The following ABCB11 variants were observed in gnomAD, a reference collection of about 807,000 sequenced individuals.
The protein encoded by ABCB11 is ATP binding cassette subfamily B member 11.
ABCB11 carries 95 observed loss-of-function variants against 148.0 expected under a neutral mutation model. The ratio of observed to expected loss-of-function variants is 0.64; its 90% CI spans 0.54 to 0.76. The LOEUF (loss-of-function observed/expected upper bound fraction) is 0.76, where lower values mean the gene tolerates loss of function less well. Ranked by LOEUF, ABCB11 falls within the 30% of genes least tolerant of loss-of-function variation. The pLI is 0.00. For missense variants in ABCB11, 1,523 were observed against 1,617.8 expected (o/e 0.94, Z 1.01); for synonymous variants, 591 against 555.4 (o/e 1.06, Z -0.90).
chr2:168,930,876 G>T lies in ABCB11; in HGVS notation c.3214-14C>A, dbSNP rs1465049756. 1.3e-6 allele frequency: 2 copies of T among 1,574,758 alleles called. No individual in the cohort carries two copies. The highest frequency in any genetic ancestry group is 1.2e-5 in the South Asian group (1 of 86,310). On this transcript the variant is annotated splice_polypyrimidine_tract_variant and intron_variant, in intron 24 of 27. Transcript: ENST00000650372. ...CTGGAAGTTGTCCTGTGGATGGGAG[G>T]ATCAAAATTAGAGATGCTCTTACTG...
chr2:168,931,482 A>T (rs1691563492), intron 24 of ABCB11, among the ~76,000 whole-genome samples: 1 of 152,248 alleles, frequency 6.6e-6, no homozygotes, highest in Admixed American at 6.5e-5. Context: ...TCTGGAACAT[A>T]CTAAAATTTT....
Position 168,993,077 on chromosome 2 carries a change from C to T in ABCB11, c.783+634G>A, listed in dbSNP as rs574899795. Among the ~76,000 whole-genome samples, 22 of 151,992 alleles carry T rather than the reference C, an allele frequency of 1.4e-4. No homozygotes were observed. In the Middle Eastern group the frequency reaches 0.01, roughly 70 times the overall value. ...GTCCAGGCCTCAATTCCTGGGGAAC[C>T]GAGACAGTGACTGGGATAACTCTTG... On this transcript the variant is annotated intron_variant, in intron 8 of 27. Coordinates refer to ENST00000650372, the MANE Select transcript of ABCB11 (RefSeq NM_003742.4).
intron 5 of ABCB11, among the ~76,000 whole-genome samples, chr2:169,010,364 C>T (rs1472083204): frequency 5.3e-5 from 8 of 152,086 alleles, no homozygotes; most frequent in Admixed American, 5.2e-4. Context: ...ATCAAGAGAC[C>T]TGACACTCTG....
At chr2:168,952,423 C>T (rs1238981433) in intron 19 of ABCB11, among the ~76,000 whole-genome samples, 1 of 151,218 alleles carries the variant, frequency 6.6e-6, no homozygotes, top group Non-Finnish European at 1.5e-5. Flanking sequence ...TTAGTCTGTT[C>T]AGGTTTTCTA....
intron 11 of ABCB11, among the ~76,000 whole-genome samples, chr2:168,978,063 C>G (rs968038717): frequency 7.1e-6 from 1 of 141,330 alleles, no homozygotes; most frequent in African/African-American, 2.7e-5. Context: ...TTTCAGGGCA[C>G]TTTTAGAGTC....
rs775614716 is a variant in ABCB11, at chr2:168,986,314, C to T, written c.909-30G>A. The T allele has an allele frequency of 7.8e-5, 124 of 1,584,512 alleles. 1 individual carries two copies. Among genetic ancestry groups the T allele is most frequent in the East Asian group, 7.2e-4 (32 of 44,664 alleles). The stretch of plus-strand genomic sequence containing the variant: ...GAAGACAAAATGCTTGAGTCAATTT[C>T]GGCAGAAACAGCTCAAGTTATAATG... On this transcript the variant is annotated intron_variant, in intron 9 of 27. Transcript: ENST00000650372.
intron 12 of ABCB11, among the ~76,000 whole-genome samples, chr2:168,975,353 A>C (rs1298403768): frequency 5.8e-5 from 2 of 34,280 alleles, no homozygotes; most frequent in Admixed American, 2.7e-4. Flanking sequence ...TTATATTTAT[A>C]GATAAATATA....
In ABCB11 at chr2:168,964,317, A is replaced by G; in HGVS notation, c.2076-9T>C. On this transcript the variant is annotated splice_polypyrimidine_tract_variant and intron_variant, in intron 17 of 27. Transcript: ENST00000650372. ...GTTGCCGGATGGAAGCCCTGTAAAT[A>G]AACAGAAAGATGAAACAGTGTAGAC... 1 of 1,552,736 alleles carries G rather than the reference A, an allele frequency of 6.4e-7. No individual in the cohort carries two copies.
downstream of ABCB11, among the ~76,000 whole-genome samples, chr2:168,919,404 C>T (rs1222350697): frequency 6.6e-6 from 1 of 152,128 alleles, no homozygotes; most frequent in Admixed American, 6.5e-5. Flanking sequence ...AGCATTCAAA[C>T]CCACCAGGCA....
chr2:168,925,865 T>C (rs913445016), intron 26 of ABCB11, among the ~76,000 whole-genome samples: 4 of 152,114 alleles, frequency 2.6e-5, no homozygotes, highest in East Asian at 3.9e-4. Flanking sequence ...CCAACATGAG[T>C]AGCTATTCAA....
intron 7 of ABCB11, among the ~76,000 whole-genome samples, chr2:168,994,086 G>C (rs1049395547): frequency 2.0e-5 from 3 of 151,964 alleles, no homozygotes; most frequent in African/African-American, 7.2e-5. Context: ...AATCAATTTT[G>C]TTCTTAATCT....
At chr2:169,012,506 A>T (rs893928303) in intron 5 of ABCB11, among the ~76,000 whole-genome samples, 1 of 152,010 alleles carries the variant, frequency 6.6e-6, no homozygotes, top group African/African-American at 2.4e-5. Context: ...GCACTTTGGG[A>T]GGCTGAGGCA....
chr2:168,955,726 G>A (rs1047986506), intron 19 of ABCB11, among the ~76,000 whole-genome samples: 1 of 151,590 alleles, frequency 6.6e-6, no homozygotes, highest in African/African-American at 2.4e-5. Flanking sequence ...ACTCATTTAA[G>A]CATTAACTCA....
intron 12 of ABCB11, among the ~76,000 whole-genome samples, chr2:168,975,774 TATATG>T (rs1693871393): frequency 6.8e-6 from 1 of 147,752 alleles, no homozygotes; most frequent in African/African-American, 2.5e-5. Flanking sequence ...ATATCACAGA[TATATG>T]ATATATATAT....
chr2:168,944,632 A>G lies in ABCB11; in HGVS notation c.2583T>C (p.Leu861=). The G allele has an allele frequency of 1.2e-6, 2 of 1,610,240 alleles. No individual in the cohort carries two copies. The highest frequency in any genetic ancestry group is 1.7e-6 in the Non-Finnish European group (2 of 1,177,890). The part of the protein sequence containing the change: ...RNSPGALTTR[L]ATDASQVQGA... ...CTTGAACTTGGGAAGCATCTGTAGC[A>G]AGTCTTGTTGTCAATGCTCCAGGGC... is the stretch of plus-strand genomic sequence containing the variant. Residue 861 remains leucine, a synonymous_variant, in exon 21 of 28, where the codon CTT becomes CTC. Transcript: ENST00000650372.
intron 21 of ABCB11, among the ~76,000 whole-genome samples, chr2:168,942,810 A>C (rs1442068239): frequency 1.3e-5 from 2 of 151,944 alleles, no homozygotes; most frequent in Non-Finnish European, 2.9e-5. Context: ...AGAATAAGTC[A>C]AATTGATCAA....
intron 5 of ABCB11, among the ~76,000 whole-genome samples, chr2:169,006,466 C>G (rs1223896163): frequency 6.6e-6 from 1 of 151,926 alleles, no homozygotes; most frequent in Non-Finnish European, 1.5e-5. Flanking sequence ...ATGCTTTCCC[C>G]CTAAGATAGG....
intron 18 of ABCB11, among the ~76,000 whole-genome samples, chr2:168,959,934 CAAAAA>C (rs375450217): frequency 3.8e-4 from 33 of 87,196 alleles, no homozygotes; most frequent in Non-Finnish European, 6.9e-4. Context: ...ACTGCATCTC[CAAAAA>C]AAAAAAAAAA....
At chr2:169,022,045 T>C (rs1695557768) in intron 1 of ABCB11, among the ~76,000 whole-genome samples, 1 of 152,008 alleles carries the variant, frequency 6.6e-6, no homozygotes, top group Non-Finnish European at 1.5e-5. Context: ...CATATGCAGA[T>C]AAATATGGGT....
Sources: allele counts gnomAD v4.1 joint callset (sites outside exome capture counted in the v4.1 genomes callset), GRCh38; gene constraint gnomAD v4.1.1; transcripts MANE v1.5; gene names NCBI Gene and HGNC (gene_info 2026-07-23, HGNC 2026-07-21).